Variants in SEMA6A observed in about 807,000 individuals in gnomAD.
The protein encoded by SEMA6A is semaphorin 6A.
SEMA6A carries 25 observed loss-of-function variants against 96.8 expected under a neutral mutation model. The observed-to-expected ratio is 0.26, with a 90% CI of 0.19 to 0.36. The LOEUF (loss-of-function observed/expected upper bound fraction) is 0.36, where lower values mean the gene tolerates loss of function less well. Ranked by LOEUF, SEMA6A falls within the 10% of genes least tolerant of loss-of-function variation. SEMA6A has a pLI of 1.00. For synonymous variants in SEMA6A, 612 were observed against 518.0 expected (o/e 1.18, Z -2.46); for missense variants, 1,363 against 1,323.1 (o/e 1.03, Z -0.47).
chr5:116,446,832 G>A lies in SEMA6A; in HGVS notation c.2874C>T (p.Asn958=), dbSNP rs200149042. Residue 958 remains asparagine (N), a synonymous_variant, in exon 19 of 19, where the codon AAC becomes AAT. Transcript: ENST00000343348. Reference sequence around the variant, plus strand: ...CCACCCTCTGCGGGGCGGGCGGCGGGTTGTCTCCCCTGCCAAAGCTCTGGT... The same window carrying A: ...CCACCCTCTGCGGGGCGGGCGGCGGATTGTCTCCCCTGCCAAAGCTCTGGT... ...SRNQSFGRGD[N]PPPAPQRVDS... 2.9e-4 allele frequency: 462 copies of A among 1,613,998 alleles called. No homozygotes were observed. The African/African-American group carries it at 4.8e-3, about 17-fold the overall frequency.
chr5:116,457,665 C>T (rs1383238858), intron 18 of SEMA6A, among the ~76,000 whole-genome samples: 2 of 152,070 alleles, frequency 1.3e-5, no homozygotes, highest in South Asian at 2.1e-4. Context: ...CTTTCTGACA[C>T]CAATTAAGAT....
chr5:116,447,857 C>T (rs17139805), intron 18 of SEMA6A, 46 bp from the exon 19 acceptor site: 207,555 of 1,460,510 alleles, frequency 0.14, 15,922 homozygotes, highest in African/African-American at 0.28. Flanking sequence ...AAGCACACCC[C>T]GAGGCTTGTT....
chr5:116,559,680 A>C (rs1160148329), intron 1 of SEMA6A, among the ~76,000 whole-genome samples: 1 of 152,082 alleles, frequency 6.6e-6, no homozygotes, highest in Non-Finnish European at 1.5e-5. Context: ...CAGTTAATTA[A>C]ATATTTTGTC....
rs1561457565 is a variant in SEMA6A, at chr5:116,446,777, A to ATGGCTGGGAGCTGTGCACC, written c.2910_2928dup (p.Ser977GlyfsTer57). ...CTCGAGACAGTCACGGCCTGGCCAG[A>ATGGCTGGGAGCTGTGCACC]TGGCTGGGAGCTGTGCACCTGGATG... On this transcript the variant is annotated frameshift_variant, in exon 19 of 19. Transcript: ENST00000343348. LOFTEE classifies it high-confidence loss of function. 1.2e-5 allele frequency: 19 copies of ATGGCTGGGAGCTGTGCACC among 1,611,646 alleles called. No homozygotes were observed. The highest frequency in any genetic ancestry group is 1.4e-5 in the Non-Finnish European group (17 of 1,178,946).
chr5:116,542,102 T>C (rs370710819), intron 1 of SEMA6A, among the ~76,000 whole-genome samples: 6 of 152,340 alleles, frequency 3.9e-5, no homozygotes, highest in East Asian at 1.9e-4. Context: ...TCTCTTTGTA[T>C]GCCCTCTTCA....
chr5:116,491,340 C>T (rs942765901), intron 7 of SEMA6A, among the ~76,000 whole-genome samples: 1 of 152,266 alleles, frequency 6.6e-6, no homozygotes, highest in South Asian at 2.1e-4. Flanking sequence ...CCGGATGACA[C>T]TGTTGAGTTG....
chr5:116,568,151 C>G (rs1159502051), intron 1 of SEMA6A, among the ~76,000 whole-genome samples: 1 of 152,104 alleles, frequency 6.6e-6, no homozygotes, highest in East Asian at 1.9e-4. Flanking sequence ...TCTGTTATAT[C>G]CAGGGTCCAG....
intron 1 of SEMA6A, among the ~76,000 whole-genome samples, chr5:116,564,595 G>T (rs747233757): frequency 6.6e-6 from 1 of 152,158 alleles, no homozygotes; most frequent in Non-Finnish European, 1.5e-5. Context: ...CAGAATGTGT[G>T]TATGTGTATC....
At chr5:116,537,272 C>T (rs1286867484) in intron 1 of SEMA6A, among the ~76,000 whole-genome samples, 2 of 152,192 alleles carry the variant, frequency 1.3e-5, no homozygotes, top group Non-Finnish European at 2.9e-5. Context: ...GATGTGTGAA[C>T]TAAGAGGCAT....
chr5:116,540,812 G>T (rs1272349709), intron 1 of SEMA6A, among the ~76,000 whole-genome samples: 3 of 152,134 alleles, frequency 2.0e-5, no homozygotes, highest in Non-Finnish European at 4.4e-5. Context: ...ACCAATACCT[G>T]CCAACAACTT....
chr5:116,466,378 CAAAAA>C (rs536164347), intron 18 of SEMA6A, among the ~76,000 whole-genome samples: 2 of 63,940 alleles, frequency 3.1e-5, no homozygotes, highest in Non-Finnish European at 6.6e-5. Context: ...GACTCCATCT[CAAAAA>C]AAAAAAAAAA....
At chr5:116,527,299 G>C (rs769782138) in intron 1 of SEMA6A, among the ~76,000 whole-genome samples, 3 of 152,126 alleles carry the variant, frequency 2.0e-5, no homozygotes, top group African/African-American at 4.8e-5. Context: ...AAAATGGATA[G>C]AGTTGGATCT....
intron 18 of SEMA6A, among the ~76,000 whole-genome samples, chr5:116,463,990 T>G (rs1215955593): frequency 3.3e-5 from 5 of 152,198 alleles, no homozygotes; most frequent in Admixed American, 6.5e-5. Context: ...TTGTTACTTT[T>G]GGTAAGGAAT....
chr5:116,549,358 C>G (rs992154528), intron 1 of SEMA6A, among the ~76,000 whole-genome samples: 25 of 152,110 alleles, frequency 1.6e-4, no homozygotes, highest in African/African-American at 5.6e-4. Flanking sequence ...AGATTAGAAG[C>G]AGGAGGATCT....
intron 1 of SEMA6A, chr5:116,550,355 T>C (rs1760356069): frequency 6.6e-6 from 1 of 152,156 alleles, no homozygotes; most frequent in Non-Finnish European, 1.5e-5. Flanking sequence ...TCTGACACCA[T>C]TTCTCCACCT....
chr5:116,523,114 C>T (rs1217249669), intron 1 of SEMA6A, among the ~76,000 whole-genome samples: 1 of 152,142 alleles, frequency 6.6e-6, no homozygotes, highest in Non-Finnish European at 1.5e-5. Context: ...ACCACCTCCT[C>T]TTTTCTCTTT....
intron 1 of SEMA6A, among the ~76,000 whole-genome samples, chr5:116,508,648 A>G (rs1758257810): frequency 6.6e-6 from 1 of 152,204 alleles, no homozygotes; most frequent in South Asian, 2.1e-4. Context: ...TGAGGGAAAA[A>G]TAGGAGATTT....
intron 7 of SEMA6A, 73 bp from the exon 8 acceptor site, chr5:116,489,080 C>A (rs1757206114): frequency 3.5e-6 from 5 of 1,427,390 alleles, no homozygotes; most frequent in Non-Finnish European, 4.6e-6. Flanking sequence ...TAAAGACATC[C>A]CCTAGATTGC....
chr5:116,532,696 C>G (rs906039543), intron 1 of SEMA6A, among the ~76,000 whole-genome samples: 5 of 152,118 alleles, frequency 3.3e-5, no homozygotes, highest in Non-Finnish European at 7.4e-5. Flanking sequence ...GACTCTTTTC[C>G]CTTCCCTTCT....
Sources: allele counts gnomAD v4.1 joint callset (sites outside exome capture counted in the v4.1 genomes callset), GRCh38; gene constraint gnomAD v4.1.1; transcripts MANE v1.5; gene names NCBI Gene and HGNC (gene_info 2026-07-23, HGNC 2026-07-21).